Variants in AFAP1 observed in about 807,000 individuals in gnomAD.
AFAP1 encodes the protein actin filament associated protein 1.
A neutral mutation model predicts 93.9 loss-of-function variants in AFAP1; 75 were observed. That is an observed-to-expected ratio of 0.80 (90% CI 0.66 to 0.97). The LOEUF (loss-of-function observed/expected upper bound fraction) is 0.97, where lower values mean the gene tolerates loss of function less well. Among genes scored for constraint, AFAP1 ranks in the 50% least tolerant of loss-of-function variants. AFAP1 has a pLI of 0.00. For synonymous variants in AFAP1, 517 were observed against 430.7 expected (o/e 1.20, Z -2.48); for missense variants, 1,201 against 1,050.8 (o/e 1.14, Z -1.98).
At chr4:7,857,451 C>T (rs73210862) in intron 3 of AFAP1, among the ~76,000 whole-genome samples, 4 of 152,098 alleles carry the variant, frequency 2.6e-5, no homozygotes, top group African/African-American at 7.2e-5. Context: ...CTCCCGCCCC[C>T]CGTCCTTGTT....
chr4:7,768,167 C>T (rs1214141721), intron 17 of AFAP1, among the ~76,000 whole-genome samples: 1 of 152,264 alleles, frequency 6.6e-6, no homozygotes, highest in Non-Finnish European at 1.5e-5. Flanking sequence ...CGGGGCCGGC[C>T]ACACTCCTGT....
chr4:7,781,642 G>A lies in AFAP1; in HGVS notation c.1531-15C>T. 1 of 1,550,534 alleles carries A rather than the reference G, an allele frequency of 6.4e-7. No individual in the cohort carries two copies. The highest frequency in any genetic ancestry group is 8.7e-7 in the Non-Finnish European group (1 of 1,146,074). ...TCCGGTTCCCACTGCAACACACATAGCTTTGTGGTTAGTGACTTGGACACA... is the reference window on the plus strand; with the variant it reads ...TCCGGTTCCCACTGCAACACACATAACTTTGTGGTTAGTGACTTGGACACA... On this transcript the variant is annotated splice_polypyrimidine_tract_variant and intron_variant, in intron 12 of 17. Coordinates refer to ENST00000420658, the MANE Select transcript of AFAP1 (RefSeq NM_001134647.2).
intron 1 of AFAP1, among the ~76,000 whole-genome samples, chr4:7,872,938 T>TA (rs1426648005): frequency 0.06 from 8,115 of 135,506 alleles, 227 homozygotes; most frequent in East Asian, 0.14. Context: ...TTTTTTTTTT[T>TA]TAAAAAAAAA....
rs550894903 is a variant in AFAP1 at position 7,916,558 on chromosome 4, T to C, written c.-3+23098A>G. On this transcript the variant is annotated intron_variant, in intron 1 of 17. Coordinates refer to ENST00000420658, the MANE Select transcript of AFAP1 (RefSeq NM_001134647.2). ...CCAGCATCAAGTCCACTTACTATGA[T>C]AGCTGATTATACGTGAAGCCCTCTA... Among the ~76,000 whole-genome samples the C allele has an allele frequency of 3.7e-4, 56 of 152,290 alleles. No individual in the cohort carries two copies. In the South Asian group the frequency reaches 0.01, roughly 28 times the overall value.
intron 4 of AFAP1, chr4:7,843,697 A>T: frequency 4.5e-6 from 1 of 222,566 alleles, no homozygotes; most frequent in Non-Finnish European, 9.0e-6. Flanking sequence ...GTTCCGCCAT[A>T]CAGAACTCTT....
At chr4:7,918,817 TCGGCCC>T in intron 1 of AFAP1, among the ~76,000 whole-genome samples, 1 of 111,444 alleles carries the variant, frequency 9.0e-6, no homozygotes, top group Non-Finnish European at 1.7e-5. Context: ...GAAGAGACAC[TCGGCCC>T]AGGTCACCCG....
At chr4:7,906,760 C>T (rs762135716) in intron 1 of AFAP1, among the ~76,000 whole-genome samples, 26 of 152,234 alleles carry the variant, frequency 1.7e-4, no homozygotes, top group Non-Finnish European at 3.4e-4. Flanking sequence ...GTGGCTCACG[C>T]CTGTAATCCC....
intron 3 of AFAP1, among the ~76,000 whole-genome samples, chr4:7,864,139 A>ACG (rs1392998171): frequency 9.8e-5 from 15 of 152,414 alleles, no homozygotes; most frequent in South Asian, 2.1e-4. Flanking sequence ...TCCCATCACA[A>ACG]CACATTCCCA....
intron 4 of AFAP1, among the ~76,000 whole-genome samples, chr4:7,852,881 C>T (rs1479177689): frequency 1.3e-5 from 2 of 152,178 alleles, no homozygotes; most frequent in African/African-American, 4.8e-5. Context: ...ATGAATATCT[C>T]GGAATTTAGG....
At chr4:7,821,822 G>A (rs1195351792) in intron 6 of AFAP1, among the ~76,000 whole-genome samples, 4 of 152,184 alleles carry the variant, frequency 2.6e-5, no homozygotes, top group African/African-American at 9.7e-5. Context: ...CCAGGATAGT[G>A]TTTCCAGCCA....
intron 1 of AFAP1, among the ~76,000 whole-genome samples, chr4:7,916,245 G>T (rs1422785944): frequency 6.6e-6 from 1 of 152,204 alleles, no homozygotes; most frequent in South Asian, 2.1e-4. Flanking sequence ...CCGATGTCGT[G>T]CCTTCTGTAC....
chr4:7,912,412 C>CA (rs1719786831), intron 1 of AFAP1, among the ~76,000 whole-genome samples: 1 of 152,206 alleles, frequency 6.6e-6, no homozygotes, highest in Non-Finnish European at 1.5e-5. Context: ...ATCTTCCATT[C>CA]CTGCCAGCCA....
intron 1 of AFAP1, among the ~76,000 whole-genome samples, chr4:7,898,268 C>T (rs1488428145): frequency 1.3e-5 from 2 of 152,064 alleles, no homozygotes; most frequent in Non-Finnish European, 2.9e-5. Flanking sequence ...ATTAGCCGAG[C>T]ATGGTGGTAG....
At chr4:7,923,127 T>C (rs1440452027) in intron 1 of AFAP1, among the ~76,000 whole-genome samples, 2 of 135,648 alleles carry the variant, frequency 1.5e-5, no homozygotes, top group South Asian at 5.2e-4. Context: ...GAAGCTATTA[T>C]AAGAAGACAA....
chr4:7,867,102 GGAGTA>G (rs1716498187), intron 3 of AFAP1, among the ~76,000 whole-genome samples: 5 of 92,620 alleles, frequency 5.4e-5, no homozygotes, highest in East Asian at 3.4e-4. Context: ...GGAGGAGAGG[GGAGTA>G]GAGGGGAGGG....
intron 10 of AFAP1, among the ~76,000 whole-genome samples, chr4:7,799,675 G>C (rs1718838524): frequency 6.6e-6 from 1 of 152,108 alleles, no homozygotes; most frequent in African/African-American, 2.4e-5. Context: ...CACTAAGTGG[G>C]GGAAAAGACT....
chr4:7,902,445 A>C (rs1357255226), intron 1 of AFAP1, among the ~76,000 whole-genome samples: 1 of 152,234 alleles, frequency 6.6e-6, no homozygotes, highest in Non-Finnish European at 1.5e-5. Context: ...TTAGACAGGA[A>C]GCTAAAGTGC....
At chr4:7,827,051 A>G (rs1274160402) in intron 6 of AFAP1, among the ~76,000 whole-genome samples, 2 of 152,232 alleles carry the variant, frequency 1.3e-5, no homozygotes, top group African/African-American at 4.8e-5. Context: ...CGATTTAAAA[A>G]AGAAAGAAAG....
chr4:7,901,357 C>T (rs1719107467), intron 1 of AFAP1, among the ~76,000 whole-genome samples: 1 of 152,218 alleles, frequency 6.6e-6, no homozygotes, highest in Non-Finnish European at 1.5e-5. Flanking sequence ...ATACTTTCCA[C>T]CGAAGATTAA....
Sources: gnomAD v4.1 joint callset for allele counts (sites outside exome capture counted in the v4.1 genomes callset) on GRCh38, gnomAD v4.1.1 for gene constraint, MANE v1.5 for transcripts, NCBI Gene and HGNC (gene_info 2026-07-23, HGNC 2026-07-21) for gene names.